RBM27: variants seen among roughly 807,000 people sequenced by gnomAD.
RBM27 encodes RNA binding motif protein 27.
A neutral mutation model predicts 135.3 loss-of-function variants in RBM27; 22 were observed. The ratio of observed to expected loss-of-function variants is 0.16; its 90% CI spans 0.12 to 0.23. The LOEUF is 0.23. Ranked by LOEUF, RBM27 falls within the 10% of genes least tolerant of loss-of-function variation. The pLI, the probability that RBM27 is intolerant of heterozygous loss-of-function variation, is 1.00. For synonymous variants in RBM27, 481 were observed against 442.4 expected (o/e 1.09, Z -1.10); for missense variants, 1,009 against 1,281.0 (o/e 0.79, Z 3.24).
At chr5:146,205,869 AT>A (rs1262624820) in intron 1 of RBM27, among the ~76,000 whole-genome samples, 1 of 152,052 alleles carries the variant, frequency 6.6e-6, no homozygotes, top group Non-Finnish European at 1.5e-5. Flanking sequence ...AAGTATAAAA[AT>A]TAACCGGCTG....
rs561499117 is a variant in RBM27 at position 146,270,645 on chromosome 5, C to T, written c.2692-309C>T. Among the ~76,000 whole-genome samples, 11 of 152,196 alleles carry T rather than the reference C, an allele frequency of 7.2e-5. No individual in the cohort carries two copies. The South Asian group carries it at 2.3e-3, about 32-fold the overall frequency. Reference sequence around the variant, plus strand: ...TTTTTACTATATAATTTATTTTGCTCCATTGTGTTTCATTTGTGATACTTT... The same window carrying T: ...TTTTTACTATATAATTTATTTTGCTTCATTGTGTTTCATTTGTGATACTTT... On this transcript the variant is annotated intron_variant, in intron 17 of 20. Coordinates refer to ENST00000265271, the MANE Select transcript of RBM27 (RefSeq NM_018989.2).
intron 11 of RBM27, 26 bp downstream of exon 11, chr5:146,258,619 A>G: frequency 6.7e-7 from 1 of 1,502,812 alleles, no homozygotes; most frequent in South Asian, 1.3e-5. Context: ...AATTAGTAGC[A>G]TCTAATTGTT....
At chr5:146,249,564 G>A (rs760683721) in intron 8 of RBM27, among the ~76,000 whole-genome samples, 1 of 151,132 alleles carries the variant, frequency 6.6e-6, no homozygotes, top group African/African-American at 2.4e-5. Context: ...GTGGGCACCA[G>A]AAATCCCAGC....
At chr5:146,225,918 G>A (rs905893991) in intron 3 of RBM27, among the ~76,000 whole-genome samples, 2 of 151,886 alleles carry the variant, frequency 1.3e-5, no homozygotes, top group South Asian at 2.1e-4. Flanking sequence ...GGTGGAGTGC[G>A]GTGGCGCGAT....
At chr5:146,278,445 C>G (rs569998330) in intron 19 of RBM27, among the ~76,000 whole-genome samples, 1 of 152,294 alleles carries the variant, frequency 6.6e-6, no homozygotes, top group East Asian at 1.9e-4. Context: ...CTCAATTTCA[C>G]TCCCCATAGA....
chr5:146,274,393 A>G (rs1282849347), intron 19 of RBM27, among the ~76,000 whole-genome samples: 1 of 152,072 alleles, frequency 6.6e-6, no homozygotes, highest in Non-Finnish European at 1.5e-5. Flanking sequence ...AGTAGCTGAG[A>G]CTACAGGCAC....
chr5:146,272,122 T>C lies in RBM27; in HGVS notation c.2988+448T>C, dbSNP rs912984551. ...AAATGTCTTTACTGTTTTGGACATA[T>C]GCAGTATATACTCTTTCCAGCCACT... On this transcript the variant is annotated intron_variant, in intron 19 of 20. Coordinates refer to ENST00000265271, the MANE Select transcript of RBM27 (RefSeq NM_018989.2). Among the ~76,000 whole-genome samples the C allele has an allele frequency of 3.9e-5, 6 of 152,264 alleles. No homozygotes were observed. The East Asian group carries it at 1.2e-3, about 29-fold the overall frequency.
intron 19 of RBM27, among the ~76,000 whole-genome samples, chr5:146,274,245 A>T (rs1758992588): frequency 6.9e-6 from 1 of 145,286 alleles, no homozygotes; most frequent in African/African-American, 2.6e-5. Context: ...ATAGGTGGTT[A>T]TCTTTTTTTT....
chr5:146,213,156 G>A (rs1756039203), intron 1 of RBM27, among the ~76,000 whole-genome samples: 1 of 151,984 alleles, frequency 6.6e-6, no homozygotes, highest in African/African-American at 2.4e-5. Context: ...AGGCTGGAGT[G>A]CAATGGCGTG....
Position 146,217,026 on chromosome 5 carries a change from G to A in RBM27, c.60-1959G>A, listed in dbSNP as rs546534384. Among the ~76,000 whole-genome samples, 4 of 152,194 alleles carry A rather than the reference G, an allele frequency of 2.6e-5. No homozygotes were observed. In the South Asian group the frequency reaches 8.3e-4, roughly 32 times the overall value. ...CTGTTGCCCAGGCTGGAGTGCAGTG[G>A]TGCGATCTCAGCTCACTGCAACCTC... On this transcript the variant is annotated intron_variant, in intron 1 of 20. Transcript: ENST00000265271.
intron 12 of RBM27, 86 bp from the exon 13 acceptor site, chr5:146,261,424 G>A: frequency 1.8e-6 from 2 of 1,132,810 alleles, no homozygotes; most frequent in Non-Finnish European, 1.3e-6. Flanking sequence ...GTATTTTGGG[G>A]AAAACATTCA....
chr5:146,235,827 A>G lies in RBM27; in HGVS notation c.1145-1471A>G, dbSNP rs1467285098. ...CTCAGTCTCCTGAGTAGCTGGGACT[A>G]CAGGCGTGTGCCACCATGCCTGGCT... On this transcript the variant is annotated intron_variant, in intron 7 of 20. Transcript: ENST00000265271. Among the ~76,000 whole-genome samples, 5 of 152,034 alleles carry G rather than the reference A, an allele frequency of 3.3e-5. No individual in the cohort carries two copies. The East Asian group carries it at 7.7e-4, about 24-fold the overall frequency.
intron 8 of RBM27, among the ~76,000 whole-genome samples, chr5:146,240,326 GTCTGTCTA>G (rs1023354364): frequency 2.6e-5 from 4 of 150,968 alleles, no homozygotes; most frequent in African/African-American, 4.9e-5. Context: ...CTGTCTGTCT[GTCTGTCTA>G]TCTGTCTGTC....
intron 8 of RBM27, among the ~76,000 whole-genome samples, chr5:146,247,274 T>C (rs1476338535): frequency 1.3e-5 from 2 of 152,226 alleles, no homozygotes; most frequent in Admixed American, 6.5e-5. Flanking sequence ...TAAAAACTTA[T>C]GTATCTTTGA....
intron 3 of RBM27, among the ~76,000 whole-genome samples, chr5:146,226,975 C>T (rs946980164): frequency 1.3e-5 from 2 of 152,188 alleles, no homozygotes; most frequent in Non-Finnish European, 2.9e-5. Context: ...AGGTGGCACA[C>T]ATCTTTGGCT....
chr5:146,241,176 G>A (rs190035905), intron 8 of RBM27, among the ~76,000 whole-genome samples: 19 of 152,048 alleles, frequency 1.2e-4, no homozygotes, highest in African/African-American at 4.3e-4. Flanking sequence ...AAAAAAATCT[G>A]GCAATTACCA....
At chr5:146,247,496 T>G (rs572914791) in intron 8 of RBM27, among the ~76,000 whole-genome samples, 5 of 152,332 alleles carry the variant, frequency 3.3e-5, no homozygotes, top group Admixed American at 2.6e-4. Flanking sequence ...GTTGATATCT[T>G]TCTTAAGTCT....
chr5:146,239,074 C>T (rs113581630), intron 8 of RBM27, among the ~76,000 whole-genome samples: 1 of 152,184 alleles, frequency 6.6e-6, no homozygotes, highest in African/African-American at 2.4e-5. Context: ...CTTCTTAAAT[C>T]TGTACCTTCT....
At chr5:146,268,325 C>A (rs907820103) in intron 15 of RBM27, among the ~76,000 whole-genome samples, 2 of 151,716 alleles carry the variant, frequency 1.3e-5, no homozygotes, top group Non-Finnish European at 2.9e-5. Context: ...TCACTGCAAC[C>A]TCCGCCTCCT....
Sources: allele counts gnomAD v4.1 joint callset (sites outside exome capture counted in the v4.1 genomes callset), GRCh38; gene constraint gnomAD v4.1.1; transcripts MANE v1.5; gene names NCBI Gene and HGNC (gene_info 2026-07-23, HGNC 2026-07-21).